The following PDXDC1 variants were observed in gnomAD, a reference collection of about 807,000 sequenced individuals.
PDXDC1 encodes pyridoxal dependent decarboxylase domain containing 1.
In PDXDC1, 42 loss-of-function variants were observed where a neutral mutation model predicts 100.1. The ratio of observed to expected loss-of-function variants is 0.42; its 90% confidence interval spans 0.33 to 0.54. PDXDC1 has a LOEUF of 0.54. Ranked by LOEUF, PDXDC1 falls within the 20% of genes least tolerant of loss-of-function variation. PDXDC1 has a pLI of 0.10. For synonymous variants in PDXDC1, 260 were observed against 371.7 expected (o/e 0.70, Z 3.46); for missense variants, 636 against 979.2 (o/e 0.65, Z 4.68).
intron 16 of PDXDC1, among the ~76,000 whole-genome samples, chr16:15,117,540 C>T (rs574304448): frequency 6.6e-6 from 1 of 151,156 alleles, no homozygotes; most frequent in Non-Finnish European, 1.5e-5. Context: ...TAAAAATACA[C>T]AAATTAGCTG....
At chr16:15,140,158 GA>G (rs1361756577), downstream of PDXDC1, among the ~76,000 whole-genome samples, 3 of 149,484 alleles carry the variant, frequency 2.0e-5, no homozygotes, top group African/African-American at 7.4e-5. Flanking sequence ...AGGAGAAGGG[GA>G]AAGAGCCGGG....
chr16:15,127,582 G>C lies in PDXDC1; in HGVS notation c.1400-11297G>C, dbSNP rs1206751173. ...GTCGACGCTCAGCGGGCTCAGCCTG[G>C]ACACATGCCCCGTGCTGTGTGGAGG... is the stretch of plus-strand genomic sequence containing the variant. On this transcript the variant is annotated intron_variant, in intron 16 of 16. Coordinates refer to the PDXDC1 transcript ENST00000535621. 4 of 1,347,600 alleles carry C rather than the reference G, an allele frequency of 3.0e-6. No individual in the cohort carries two copies. In the South Asian group the frequency reaches 5.0e-5, roughly 17 times the overall value. 83.5% of individuals were successfully genotyped at this position (1,347,600 alleles called of 1,614,324 possible).
chr16:15,107,194 C>G, intron 16 of PDXDC1: 1 of 491,176 alleles, frequency 2.0e-6, no homozygotes, highest in Non-Finnish European at 3.0e-6. Context: ...TTTGTGAACT[C>G]TCTCTCTCTC....
intron 16 of PDXDC1, among the ~76,000 whole-genome samples, chr16:15,101,745 G>A (rs2046557253): frequency 6.7e-6 from 1 of 148,250 alleles, no homozygotes; most frequent in African/African-American, 2.5e-5. Context: ...AATCATAGTG[G>A]CTCACTGCAG....
intron 1 of PDXDC1, among the ~76,000 whole-genome samples, chr16:14,995,157 G>C (rs1054736668): frequency 1.3e-5 from 2 of 152,280 alleles, no homozygotes; most frequent in African/African-American, 4.8e-5. Context: ...CATTGCCCTG[G>C]CCAGAACTTC....
chr16:15,085,845 C>G, intron 16 of PDXDC1: 1 of 1,274,608 alleles, frequency 7.8e-7, no homozygotes, highest in Non-Finnish European at 1.1e-6. Flanking sequence ...ATTAATTAAA[C>G]GCACAATCTG....
chr16:15,062,299 G>A (rs140829433), intron 16 of PDXDC1, among the ~76,000 whole-genome samples: 4 of 152,090 alleles, frequency 2.6e-5, no homozygotes, highest in South Asian at 2.1e-4. Context: ...GAAACATGAC[G>A]AGTCATTCTT....
At chr16:15,017,722 T>C (rs1374837055) in intron 11 of PDXDC1, among the ~76,000 whole-genome samples, 1 of 152,276 alleles carries the variant, frequency 6.6e-6, no homozygotes, top group Non-Finnish European at 1.5e-5. Context: ...TTAGAATAGG[T>C]TCCCAGATGT....
chr16:15,064,244 C>T (rs1051532772), intron 16 of PDXDC1, among the ~76,000 whole-genome samples: 6 of 151,914 alleles, frequency 3.9e-5, no homozygotes, highest in African/African-American at 1.5e-4. Context: ...GGTGCAATCT[C>T]GGCTCACTGC....
At chr16:15,073,380 C>T (rs1336839991) in intron 16 of PDXDC1, among the ~76,000 whole-genome samples, 3 of 152,120 alleles carry the variant, frequency 2.0e-5, no homozygotes, top group Non-Finnish European at 4.4e-5. Flanking sequence ...CCGCTTGAGC[C>T]CAGGAGGTCA....
intron 16 of PDXDC1, chr16:15,126,878 G>A (rs9925500): frequency 0.068 from 13,011 of 192,558 alleles, 599 homozygotes; most frequent in African/African-American, 0.16. Context: ...GGCTGGTCTC[G>A]AACTCCTGAC....
intron 16 of PDXDC1, among the ~76,000 whole-genome samples, chr16:15,126,289 C>T (rs796175772): frequency 2.3e-5 from 3 of 130,732 alleles, no homozygotes; most frequent in East Asian, 2.2e-4. Flanking sequence ...TGCCCGCCTC[C>T]GCCTCCCAAA....
chr16:15,019,981 G>A (rs1237179725), intron 12 of PDXDC1, among the ~76,000 whole-genome samples: 42 of 152,186 alleles, frequency 2.8e-4, no homozygotes, highest in Non-Finnish European at 5.1e-4. Flanking sequence ...GCGTGGTGGC[G>A]GGCGCCTGTA....
intron 16 of PDXDC1, chr16:15,060,162 T>G (rs1209585056): frequency 4.7e-6 from 2 of 423,420 alleles, no homozygotes; most frequent in Non-Finnish European, 9.3e-6. Context: ...TAAATGTCTT[T>G]CTACATTAAA....
At chr16:15,051,450 ATCCTCCCACCTCAGCC>A (rs1209899233) in intron 16 of PDXDC1, among the ~76,000 whole-genome samples, 1 of 152,118 alleles carries the variant, frequency 6.6e-6, no homozygotes, top group South Asian at 2.1e-4. Flanking sequence ...GCCTCAAGCA[ATCCTCCCACCTCAGCC>A]TCCCAAGGAG....
chr16:15,023,158 C>T (rs2042332980), intron 13 of PDXDC1, among the ~76,000 whole-genome samples: 1 of 152,276 alleles, frequency 6.6e-6, no homozygotes, highest in Non-Finnish European at 1.5e-5. Context: ...CTTCTGCCAT[C>T]AGTTTTCATT....
chr16:14,997,233 A>G, intron 1 of PDXDC1, among the ~76,000 whole-genome samples: 1 of 152,224 alleles, frequency 6.6e-6, no homozygotes. Flanking sequence ...CATGGCACTA[A>G]AATTCAAAAG....
intron 16 of PDXDC1, among the ~76,000 whole-genome samples, chr16:15,090,652 A>G (rs560447278): frequency 8.5e-5 from 13 of 152,320 alleles, no homozygotes; most frequent in Admixed American, 7.8e-4. Context: ...GGTTTCACAC[A>G]GTGGAAAATA....
chr16:15,062,720 T>G (rs1597863794), intron 16 of PDXDC1, among the ~76,000 whole-genome samples: 1 of 152,232 alleles, frequency 6.6e-6, no homozygotes, highest in African/African-American at 2.4e-5. Flanking sequence ...TTCAGCTAAT[T>G]TGTAATTAAC....
Sources: gnomAD v4.1 joint callset for allele counts (sites outside exome capture counted in the v4.1 genomes callset) on GRCh38, gnomAD v4.1.1 for gene constraint, MANE v1.5 for transcripts, NCBI Gene and HGNC (gene_info 2026-07-23, HGNC 2026-07-21) for gene names.